The following UNC13A variants were observed in gnomAD, a reference collection of about 807,000 sequenced individuals.
The protein encoded by UNC13A is protein unc-13 homolog A.
Under a neutral mutation model 219.7 loss-of-function variants are expected in UNC13A, and 61 were observed. That is an observed-to-expected ratio of 0.28 (90% CI 0.23 to 0.34). The LOEUF (loss-of-function observed/expected upper bound fraction) is 0.34, where lower values mean the gene tolerates loss of function less well. Ranked by LOEUF, UNC13A falls within the 10% of genes least tolerant of loss-of-function variation. The probability of loss-of-function intolerance (pLI) is 1.00; values close to 1 mark genes in which losing one functional copy is unlikely to be tolerated. For missense variants in UNC13A, 1,476 were observed against 2,270.3 expected, an observed-to-expected ratio of 0.65 and a Z score of 7.11; for synonymous variants, 920 against 884.6, an observed-to-expected ratio of 1.04 and a Z score of -0.71.
At chr19:17,642,990 G>A (rs1443766889) in intron 19 of UNC13A, 30 bp from the exon 20 acceptor site, 1 of 1,568,066 alleles carries the variant, frequency 6.4e-7, no homozygotes, top group Middle Eastern at 1.7e-4. Context: ...GACAGTGTCA[G>A]AACTTCCCAC....
At chr19:17,629,783 TCCAA>T (rs1433190007) in intron 30 of UNC13A, among the ~76,000 whole-genome samples, 8 of 151,772 alleles carry the variant, frequency 5.3e-5, no homozygotes, top group Non-Finnish European at 1.2e-4. Flanking sequence ...AGCCTCAAAC[TCCAA>T]CCAAACAGCA....
intron 16 of UNC13A, 91 bp downstream of exon 16, chr19:17,648,340 C>A: frequency 7.8e-7 from 1 of 1,288,050 alleles, no homozygotes. Context: ...GGTGCCCCAC[C>A]CATCGCCTTG....
chr19:17,639,570 G>A (rs1295019306), intron 23 of UNC13A, 45 bp from the exon 24 acceptor site: 1 of 1,579,654 alleles, frequency 6.3e-7, no homozygotes, highest in East Asian at 2.3e-5. Flanking sequence ...AGAAGGCGTG[G>A]GGAGGATGGG....
intron 25 of UNC13A, among the ~76,000 whole-genome samples, chr19:17,638,846 T>C (rs2076938254): frequency 6.6e-6 from 1 of 152,068 alleles, no homozygotes; most frequent in African/African-American, 2.4e-5. Context: ...AAAAAATTTT[T>C]TTTTATGCCA....
intron 25 of UNC13A, among the ~76,000 whole-genome samples, chr19:17,638,739 G>T (rs559815201): frequency 1.3e-5 from 2 of 151,818 alleles, no homozygotes; most frequent in South Asian, 4.2e-4. Context: ...TGAGGCAGGA[G>T]AATCATTTAA....
chr19:17,616,349 G>C (rs2076662694), intron 41 of UNC13A: 2 of 681,590 alleles, frequency 2.9e-6, no homozygotes, highest in Admixed American at 2.1e-5. Flanking sequence ...CCGGGGCCAG[G>C]AGGGGCGCAG....
chr19:17,656,160 C>T lies in UNC13A; in HGVS notation c.1006G>A (p.Glu336Lys). Residue 336 changes from glutamate to lysine, a missense_variant, in exon 10 of 44, where the codon GAG becomes AAG. By Grantham distance (56) the Glu-to-Lys change is moderately conservative. Coordinates refer to ENST00000519716, the MANE Select transcript of UNC13A (RefSeq NM_001080421.3). ...EDLEDFLEEE[E>K]LPEDEEELEE... ...AGCTCCTCCTCATCTTCAGGCAGCT[C>T]CTCCTCCTCCAGGAAGTCCTCCAGG... 1 of 1,552,096 alleles carries T rather than the reference C, an allele frequency of 6.4e-7. No homozygotes were observed. Among genetic ancestry groups the T allele is most frequent in the Non-Finnish European group, 8.7e-7 (1 of 1,147,078 alleles).
chr19:17,669,538 G>A lies in UNC13A; in HGVS notation c.394+15C>T. On this transcript the variant is annotated intron_variant, in intron 5 of 43. Coordinates refer to ENST00000519716, the MANE Select transcript of UNC13A (RefSeq NM_001080421.3). ...GGGCTGGGGCTGGGTGAAGGTCCCGGGCCCCTGTACTCACCTAAGGGTAGC... is the reference window on the plus strand; with the variant it reads ...GGGCTGGGGCTGGGTGAAGGTCCCGAGCCCCTGTACTCACCTAAGGGTAGC... 3.7e-6 allele frequency: 6 copies of A among 1,611,962 alleles called. No individual in the cohort carries two copies. The highest frequency in any genetic ancestry group is 5.1e-6 in the Non-Finnish European group (6 of 1,178,562).
chr19:17,668,805 AT>A (rs1046761007), intron 5 of UNC13A, among the ~76,000 whole-genome samples: 1 of 149,324 alleles, frequency 6.7e-6, no homozygotes, highest in Non-Finnish European at 1.5e-5. Flanking sequence ...TTTTATTTTT[AT>A]TTTTTTAGAG....
chr19:17,647,520 C>G, intron 16 of UNC13A, 28 bp from the exon 17 acceptor site: 1 of 1,598,454 alleles, frequency 6.3e-7, no homozygotes, highest in Non-Finnish European at 8.5e-7. Context: ...CGGCGCTGAC[C>G]CCAGCGCGCC....
chr19:17,640,404 G>A (rs143301924), intron 22 of UNC13A, 107 bp downstream of exon 22: 8 of 1,371,206 alleles, frequency 5.8e-6, no homozygotes, highest in Non-Finnish European at 5.8e-6. Flanking sequence ...CTGGTGGAAA[G>A]TCACACAGCA....
At chr19:17,629,146 T>C (rs2076815146) in intron 31 of UNC13A, 94 bp downstream of exon 31, 2 of 1,067,678 alleles carry the variant, frequency 1.9e-6, no homozygotes, top group South Asian at 1.4e-5. Flanking sequence ...TGGACATACA[T>C]AGCCCCAGGT....
intron 1 of UNC13A, 100 bp downstream of exon 1, chr19:17,688,078 C>T: frequency 1.4e-6 from 2 of 1,424,592 alleles, no homozygotes; most frequent in Non-Finnish European, 9.3e-7. Context: ...CACCTGGACT[C>T]GGGTCACCCC....
At chr19:17,606,406 C>CGCCCACGGCCCCGT (rs1191131106) in intron 43 of UNC13A, 52 bp from the exon 44 acceptor site, 43 of 1,523,582 alleles carry the variant, frequency 2.8e-5, no homozygotes, top group Non-Finnish European at 3.4e-5. Context: ...TGTGATGCCC[C>CGCCCACGGCCCCGT]GCCCACGGCC....
intron 33 of UNC13A, 56 bp from the exon 34 acceptor site, chr19:17,626,841 G>A (rs12609205): frequency 0.12 from 187,926 of 1,559,248 alleles, 11,865 homozygotes; most frequent in Middle Eastern, 0.18. Flanking sequence ...TGAGGACACA[G>A]ATGCTGATCT....
At chr19:17,682,637 A>G (rs2080039620) in intron 1 of UNC13A, among the ~76,000 whole-genome samples, 2 of 152,194 alleles carry the variant, frequency 1.3e-5, no homozygotes, top group Admixed American at 1.3e-4. Context: ...AGCTCCTCCT[A>G]GCTGGAGGGT....
At chr19:17,632,306 A>G (rs1223712932) in intron 28 of UNC13A, among the ~76,000 whole-genome samples, 1 of 152,068 alleles carries the variant, frequency 6.6e-6, no homozygotes, top group South Asian at 2.1e-4. Flanking sequence ...CGGCCTCCCA[A>G]AGTCCTGGGA....
At chr19:17,666,908 GAGAAAGACAGA>G (rs1568268257) in intron 6 of UNC13A, among the ~76,000 whole-genome samples, 2 of 20,664 alleles carry the variant, frequency 9.7e-5, no homozygotes, top group African/African-American at 2.3e-4. Flanking sequence ...GAGAGAGAGA[GAGAAAGACAGA>G]GACAGAGACA....
Position 17,630,129 on chromosome 19 carries a change from AC to A in UNC13A, c.3669+15del. ...GACCCTGTCCCCTAGCCCCAACCCT[AC>A]CCACTCTCCCACACCTTGGCAAAGC... On this transcript the variant is annotated intron_variant, in intron 30 of 43. Coordinates refer to ENST00000519716, the MANE Select transcript of UNC13A (RefSeq NM_001080421.3). 6.4e-7 allele frequency: 1 copy of A among 1,551,040 alleles called. No individual in the cohort carries two copies. The highest frequency in any genetic ancestry group is 8.7e-7 in the Non-Finnish European group (1 of 1,146,782).
Sources: gnomAD v4.1 joint callset for allele counts (sites outside exome capture counted in the v4.1 genomes callset) on GRCh38, gnomAD v4.1.1 for gene constraint, MANE v1.5 for transcripts, NCBI Gene and HGNC (gene_info 2026-07-23, HGNC 2026-07-21) for gene names.